DAPK1: variants seen among roughly 807,000 people sequenced by gnomAD.
The protein encoded by DAPK1 is death-associated protein kinase 1.
DAPK1 carries 56 observed loss-of-function variants against 144.9 expected under a neutral mutation model. The observed-to-expected ratio is 0.39, with a 90% CI of 0.31 to 0.48. The LOEUF is 0.48. Among genes scored for constraint, DAPK1 ranks in the 20% least tolerant of loss-of-function variants. The pLI is 0.95. For missense variants in DAPK1, 1,454 were observed against 1,875.4 expected, an observed-to-expected ratio of 0.78 and a Z score of 4.15; for synonymous variants, 690 against 749.0, an observed-to-expected ratio of 0.92 and a Z score of 1.29.
At chr9:87,645,571 A>G (rs1830237806) in intron 11 of DAPK1, among the ~76,000 whole-genome samples, 2 of 152,362 alleles carry the variant, frequency 1.3e-5, no homozygotes, top group East Asian at 3.9e-4. Context: ...GGTTTTAGGA[A>G]CTATGTTTTG....
intron 3 of DAPK1, among the ~76,000 whole-genome samples, chr9:87,629,353 A>G (rs1829587764): frequency 6.6e-6 from 1 of 152,238 alleles, no homozygotes; most frequent in South Asian, 2.1e-4. Flanking sequence ...GGAAGTGGCC[A>G]GAAGGGATTC....
At chr9:87,558,850 C>T (rs1477543120) in intron 2 of DAPK1, among the ~76,000 whole-genome samples, 2 of 152,174 alleles carry the variant, frequency 1.3e-5, no homozygotes, top group African/African-American at 2.4e-5. Context: ...TGGGCGGACT[C>T]CTGTTAGGCA....
intron 2 of DAPK1, among the ~76,000 whole-genome samples, chr9:87,518,917 G>GT (rs1825187291): frequency 9.7e-6 from 1 of 103,392 alleles, no homozygotes; most frequent in Non-Finnish European, 2.3e-5. Context: ...TATCTTTCCA[G>GT]GAAAAAAAAA....
intron 17 of DAPK1, among the ~76,000 whole-genome samples, chr9:87,654,796 T>C (rs1265515557): frequency 3.9e-5 from 6 of 152,166 alleles, no homozygotes; most frequent in Non-Finnish European, 7.3e-5. Context: ...GCTCTCCCCT[T>C]GTGAGAGGAG....
intron 2 of DAPK1, among the ~76,000 whole-genome samples, chr9:87,583,619 C>G (rs2118841225): frequency 6.6e-6 from 1 of 152,304 alleles, no homozygotes; most frequent in Non-Finnish European, 1.5e-5. Context: ...TCCCCTTCAT[C>G]TCCCCACTGT....
intron 2 of DAPK1, among the ~76,000 whole-genome samples, chr9:87,598,419 A>G (rs1828395342): frequency 6.6e-6 from 1 of 152,172 alleles, no homozygotes; most frequent in Admixed American, 6.5e-5. Flanking sequence ...TTAACTGCAT[A>G]TGTATTCGGT....
At chr9:87,665,513 G>T (rs1831019779) in intron 18 of DAPK1, among the ~76,000 whole-genome samples, 1 of 152,144 alleles carries the variant, frequency 6.6e-6, no homozygotes, top group African/African-American at 2.4e-5. Flanking sequence ...TTTCACTGGG[G>T]ATACACAAAT....
At chr9:87,565,058 T>C (rs1394318346) in intron 2 of DAPK1, among the ~76,000 whole-genome samples, 3 of 152,176 alleles carry the variant, frequency 2.0e-5, no homozygotes, top group African/African-American at 7.2e-5. Context: ...ATTTGCTGAA[T>C]GCTGGCAGGC....
chr9:87,528,871 CA>C (rs34492541), intron 2 of DAPK1, among the ~76,000 whole-genome samples: 46,096 of 104,668 alleles, frequency 0.44, 8,523 homozygotes, highest in African/African-American at 0.49. Flanking sequence ...GACTCCATCT[CA>C]AAAAAAAAAA....
chr9:87,691,611 G>A (rs1316337748), intron 21 of DAPK1, among the ~76,000 whole-genome samples: 1 of 151,692 alleles, frequency 6.6e-6, no homozygotes, highest in Non-Finnish European at 1.5e-5. Context: ...CTGATTTTTT[G>A]ACGTAGGTGT....
chr9:87,538,750 A>T (rs1395760987), intron 2 of DAPK1, among the ~76,000 whole-genome samples: 1 of 152,190 alleles, frequency 6.6e-6, no homozygotes, highest in Non-Finnish European at 1.5e-5. Flanking sequence ...TCTGCTTGAC[A>T]TTAAATGTTA....
chr9:87,502,582 C>CT (rs1410805377), intron 2 of DAPK1, among the ~76,000 whole-genome samples: 1 of 152,196 alleles, frequency 6.6e-6, no homozygotes, highest in Admixed American at 6.5e-5. Flanking sequence ...GGGCACCTCT[C>CT]TGTGTACACT....
chr9:87,568,277 A>G (rs888001970), intron 2 of DAPK1, among the ~76,000 whole-genome samples: 3 of 152,248 alleles, frequency 2.0e-5, no homozygotes, highest in East Asian at 1.9e-4. Flanking sequence ...GTCTTCATGC[A>G]TTGCTGGGAA....
chr9:87,553,754 C>T (rs1978389), intron 2 of DAPK1: 28,962 of 152,108 alleles, frequency 0.19, 4,211 homozygotes, highest in African/African-American at 0.39. Flanking sequence ...CCTGGGCCTC[C>T]CAAAGTGCTG....
intron 2 of DAPK1, among the ~76,000 whole-genome samples, chr9:87,558,862 G>A (rs1196551048): frequency 6.6e-6 from 1 of 152,208 alleles, no homozygotes; most frequent in African/African-American, 2.4e-5. Flanking sequence ...TGTTAGGCAG[G>A]TGGGAAAGGA....
chr9:87,536,509 CAT>C (rs1825865055), intron 2 of DAPK1, among the ~76,000 whole-genome samples: 1 of 151,970 alleles, frequency 6.6e-6, no homozygotes, highest in Admixed American at 6.5e-5. Context: ...ATCTGCAAGT[CAT>C]GTGGGAATTG....
intron 2 of DAPK1, chr9:87,525,157 G>A (rs992470304): frequency 1.5e-6 from 1 of 687,004 alleles, no homozygotes; most frequent in Non-Finnish European, 2.6e-6. Context: ...CAAACAGTTG[G>A]GTGGAAGACT....
chr9:87,513,005 T>C (rs868423989), intron 2 of DAPK1, among the ~76,000 whole-genome samples: 4 of 152,220 alleles, frequency 2.6e-5, no homozygotes, highest in Admixed American at 6.5e-5. Context: ...TGGGTGGGTA[T>C]CTTTAGTTTG....
rs569215232 is a variant in DAPK1, at chr9:87,620,820, C to G, written c.284+15645C>G. ...TCTATGGCTCTCCCTGCTTGGTTTA[C>G]TCTGGCCGCCTTTTGTTCCAGTGCC... On this transcript the variant is annotated intron_variant, in intron 3 of 25. Transcript: ENST00000408954. 1.8e-3 allele frequency among the ~76,000 whole-genome samples: 270 copies of G among 152,154 alleles called. 1 individual carries two copies. The highest frequency in any genetic ancestry group is 3.1e-3 in the Non-Finnish European group (214 of 68,012).
Sources: allele counts gnomAD v4.1 joint callset (sites outside exome capture counted in the v4.1 genomes callset), GRCh38; gene constraint gnomAD v4.1.1; transcripts MANE v1.5; gene names NCBI Gene and HGNC (gene_info 2026-07-23, HGNC 2026-07-21).